MYO1H: variants seen among roughly 807,000 people sequenced by gnomAD.
MYO1H encodes the protein myosin IH.
In MYO1H, 118 loss-of-function variants were observed where a neutral mutation model predicts 149.3. The observed-to-expected ratio is 0.79, with a 90% CI of 0.68 to 0.92. MYO1H has a LOEUF of 0.92. Among genes scored for constraint, MYO1H ranks in the 40% least tolerant of loss-of-function variants. MYO1H has a pLI of 0.00. For synonymous variants in MYO1H, 447 were observed against 465.2 expected (o/e 0.96, Z 0.50); for missense variants, 1,212 against 1,280.7 (o/e 0.95, Z 0.82).
At chr12:109,425,211 A>G (rs1871312880) in intron 17 of MYO1H, among the ~76,000 whole-genome samples, 2 of 152,216 alleles carry the variant, frequency 1.3e-5, no homozygotes, top group Non-Finnish European at 2.9e-5. Context: ...GTGTGCATCC[A>G]TAGTCCCAGC....
At chr12:109,403,266 C>T (rs1870240304) in intron 6 of MYO1H, among the ~76,000 whole-genome samples, 1 of 152,146 alleles carries the variant, frequency 6.6e-6, no homozygotes, top group South Asian at 2.1e-4. Context: ...ATTTTTATAT[C>T]GGTCACTTCA....
chr12:109,401,245 C>A (rs990957954), exon 6 of MYO1H: 1 of 1,612,948 alleles, frequency 6.2e-7, no homozygotes, highest in Non-Finnish European at 8.5e-7. Context: ...TCGAGCGAGA[C>A]CCCCAGCTGT....
In MYO1H at chr12:109,420,509, G is replaced by A. The variant is rs567865503; in HGVS notation, c.1598-472G>A. Among the ~76,000 whole-genome samples, 588 of 152,186 alleles carry A rather than the reference G, an allele frequency of 3.9e-3. 7 individuals carry two copies. The highest frequency in any genetic ancestry group is 0.013 in the African/African-American group (540 of 41,524). On this transcript the variant is annotated intron_variant, in intron 15 of 31. Transcript: ENST00000310903. Reference sequence around the variant, plus strand: ...GGAAGCAGGCATGTCTAACATGCCCGGAGGAGGAGGAATAGAGTGAAGGGG... The same window carrying A: ...GGAAGCAGGCATGTCTAACATGCCCAGAGGAGGAGGAATAGAGTGAAGGGG...
intron 15 of MYO1H, among the ~76,000 whole-genome samples, chr12:109,417,007 C>CAA (rs566837198): frequency 8.0e-6 from 1 of 124,560 alleles, no homozygotes; most frequent in African/African-American, 3.0e-5. Context: ...AACTCCATCT[C>CAA]AAAAAAAAAA....
At chr12:109,405,745 T>C (rs1403902843) in intron 7 of MYO1H, among the ~76,000 whole-genome samples, 177 bp from the exon 8 acceptor site, 1 of 152,196 alleles carries the variant, frequency 6.6e-6, no homozygotes. Context: ...CTGAAGTGAA[T>C]AACAGGGCTG....
intron 22 of MYO1H, among the ~76,000 whole-genome samples, chr12:109,437,763 A>AGCATTTAAAAAATCTGAAG (rs1464137663): frequency 2.0e-5 from 3 of 152,164 alleles, no homozygotes; most frequent in African/African-American, 7.2e-5. Flanking sequence ...ATTCGAAGAA[A>AGCATTTAAAAAATCTGAAG]AGCGTTTAAA....
intron 23 of MYO1H, among the ~76,000 whole-genome samples, chr12:109,438,970 C>T (rs1170698602): frequency 6.6e-6 from 1 of 152,134 alleles, no homozygotes; most frequent in South Asian, 2.1e-4. Context: ...CAAGGTGGGG[C>T]GGTAACTAGC....
At chr12:109,393,953 C>T (rs73192579) in intron 3 of MYO1H, among the ~76,000 whole-genome samples, 5,029 of 152,140 alleles carry the variant, frequency 0.033, 119 homozygotes, top group Middle Eastern at 0.065. Flanking sequence ...AGTGTCATAG[C>T]GGCTAAGAGG....
At chr12:109,376,254 C>A (rs1044221958) in intron 1 of MYO1H, among the ~76,000 whole-genome samples, 5 of 152,212 alleles carry the variant, frequency 3.3e-5, no homozygotes, top group Admixed American at 6.5e-5. Flanking sequence ...GCAGTCACCT[C>A]AAACTGCCTA....
At chr12:109,393,576 C>T (rs375552621) in intron 3 of MYO1H, 130 bp downstream of exon 3, 5 of 653,566 alleles carry the variant, frequency 7.7e-6, no homozygotes, top group South Asian at 1.8e-5. Context: ...TCCATCCATC[C>T]GCCCACCCAT....
At chr12:109,361,813 CAAAAAAA>C (rs35915417) in intron 1 of MYO1H, among the ~76,000 whole-genome samples, 6 of 56,826 alleles carry the variant, frequency 1.1e-4, no homozygotes, top group South Asian at 8.6e-4. Flanking sequence ...CCTTGTCTCA[CAAAAAAA>C]AAAAAAAAAA....
At chr12:109,313,668 T>C in the MYO1H span, among the ~76,000 whole-genome samples, 3 of 152,244 alleles carry the variant, frequency 2.0e-5, no homozygotes, top group Admixed American at 1.3e-4. Context: ...TCCAGGTTCA[T>C]CACTGTTCTG....
At chr12:109,417,944 T>C (rs1450693045) in intron 15 of MYO1H, among the ~76,000 whole-genome samples, 1 of 151,572 alleles carries the variant, frequency 6.6e-6, no homozygotes, top group African/African-American at 2.4e-5. Flanking sequence ...GCCTCCCGAG[T>C]AGCTGGGACT....
the MYO1H span, among the ~76,000 whole-genome samples, chr12:109,311,734 G>T: frequency 6.6e-6 from 1 of 152,162 alleles, no homozygotes; most frequent in Non-Finnish European, 1.5e-5. Flanking sequence ...ATTTGCTCCG[G>T]TGTAGGGAGA....
exon 32 of MYO1H, chr12:109,448,087 C>CTTAT (rs1872565745): frequency 1.3e-5 from 2 of 152,086 alleles, no homozygotes; most frequent in Admixed American, 6.5e-5. Flanking sequence ...GTAATATGGT[C>CTTAT]TTATTTTTGA....
At chr12:109,396,975 G>A (rs1004535218) in intron 4 of MYO1H, among the ~76,000 whole-genome samples, 3 of 151,606 alleles carry the variant, frequency 2.0e-5, no homozygotes, top group South Asian at 2.1e-4. Context: ...CTATAGGCAC[G>A]TACCATCATT....
At chr12:109,445,544 G>T in exon 31 of MYO1H, 1 of 1,611,430 alleles carries the variant, frequency 6.2e-7, no homozygotes, top group Non-Finnish European at 8.5e-7. Context: ...GGGAAAAGAA[G>T]GCACAATAGT....
At chr12:109,341,408 CAG>C in the MYO1H span, among the ~76,000 whole-genome samples, 4 of 152,030 alleles carry the variant, frequency 2.6e-5, no homozygotes, top group African/African-American at 9.7e-5. Flanking sequence ...TGCAAAAAAT[CAG>C]ATAAAATGGC....
chr12:109,322,076 A>G, the MYO1H span, among the ~76,000 whole-genome samples: 1 of 152,096 alleles, frequency 6.6e-6, no homozygotes, highest in Non-Finnish European at 1.5e-5. Flanking sequence ...AGGCAAGTGG[A>G]TCAAGCAGAG....
Sources: gnomAD v4.1 joint callset for allele counts (sites outside exome capture counted in the v4.1 genomes callset) on GRCh38, gnomAD v4.1.1 for gene constraint, MANE v1.5 for transcripts, NCBI Gene and HGNC (gene_info 2026-07-23, HGNC 2026-07-21) for gene names.